Variants in AGO2 observed in about 807,000 individuals in gnomAD.
AGO2 encodes the protein argonaute RISC catalytic component 2.
Under a neutral mutation model 102.3 loss-of-function variants are expected in AGO2, and 5 were observed. That is an observed-to-expected ratio of 0.05 (90% CI 0.03 to 0.10). The LOEUF (loss-of-function observed/expected upper bound fraction) is 0.10. Ranked by LOEUF, AGO2 falls within the 10% of genes least tolerant of loss-of-function variation. AGO2 has a pLI of 1.00. For missense variants in AGO2, 541 were observed against 1,183.7 expected, an observed-to-expected ratio of 0.46 and a Z score of 7.97; for synonymous variants, 449 against 473.1, an observed-to-expected ratio of 0.95 and a Z score of 0.66.
Position 140,559,664 on chromosome 8 carries a change from G to A in AGO2, c.656-135C>T, listed in dbSNP as rs539035984. On this transcript the variant is annotated intron_variant, in intron 5 of 18. Transcript: ENST00000220592. Reference sequence around the variant, plus strand: ...GGCCGGGGTTCTCACTCCCTACTGAGGCTAGCCTCAGGCCCAGACACGGGC... The same window carrying A: ...GGCCGGGGTTCTCACTCCCTACTGAAGCTAGCCTCAGGCCCAGACACGGGC... The A allele has an allele frequency of 2.2e-5, 27 of 1,205,306 alleles. No homozygotes were observed. In the African/African-American group the frequency reaches 4.0e-4, roughly 18 times the overall value. 74.7% of individuals were successfully genotyped at this position (1,205,306 alleles called of 1,614,324 possible).
intron 3 of AGO2, among the ~76,000 whole-genome samples, chr8:140,569,426 C>T (rs1467214788): frequency 6.6e-6 from 1 of 152,226 alleles, no homozygotes; most frequent in Non-Finnish European, 1.5e-5. Context: ...TCTTCCACCA[C>T]CCAAATCCCT....
At chr8:140,626,080 C>T (rs1437537240) in intron 1 of AGO2, among the ~76,000 whole-genome samples, 1 of 150,674 alleles carries the variant, frequency 6.6e-6, no homozygotes, top group Non-Finnish European at 1.5e-5. Context: ...CAGCACGTGG[C>T]CTTCTAGTTC....
At chr8:140,628,313 C>G (rs2074299797) in intron 1 of AGO2, among the ~76,000 whole-genome samples, 1 of 152,242 alleles carries the variant, frequency 6.6e-6, no homozygotes, top group Admixed American at 6.5e-5. Context: ...AACGAACACC[C>G]ACGTGTGTGA....
chr8:140,598,223 G>A (rs1472042124), intron 1 of AGO2, among the ~76,000 whole-genome samples: 5 of 152,200 alleles, frequency 3.3e-5, no homozygotes, highest in African/African-American at 1.2e-4. Flanking sequence ...ACCCCGAGAC[G>A]GCGTGTTCTG....
intron 1 of AGO2, among the ~76,000 whole-genome samples, chr8:140,631,468 A>G (rs1183380701): frequency 1.3e-5 from 2 of 151,032 alleles, no homozygotes; most frequent in Admixed American, 6.6e-5. Flanking sequence ...CGGGAGGAGG[A>G]GGAGGTTGCA....
chr8:140,593,801 G>A (rs937992810), intron 1 of AGO2, among the ~76,000 whole-genome samples: 16 of 152,120 alleles, frequency 1.1e-4, no homozygotes, highest in Non-Finnish European at 2.1e-4. Context: ...GGTCCGAGGT[G>A]TCTGACAGGC....
chr8:140,595,688 A>AAT (rs1471946052), intron 1 of AGO2, among the ~76,000 whole-genome samples: 2 of 134,500 alleles, frequency 1.5e-5, no homozygotes, highest in Non-Finnish European at 3.1e-5. Context: ...CTGGCATATA[A>AAT]AATATATATA....
At chr8:140,563,590 C>T (rs1003517581) in intron 3 of AGO2, among the ~76,000 whole-genome samples, 1 of 152,146 alleles carries the variant, frequency 6.6e-6, no homozygotes, top group African/African-American at 2.4e-5. Context: ...AAAAAATAAC[C>T]CAAGGCCACA....
Position 140,525,586 on chromosome 8 carries a change from GT to G in AGO2, c.*6457del, listed in dbSNP as rs1409261857. On this transcript the variant is annotated 3_prime_UTR_variant, in exon 19 of 19. Transcript: ENST00000220592. Reference sequence around the variant, plus strand: ...GCATCGAAACCCCAAACAGCAGAGTGTTAAAGGCAATTGCTTCCAGGTAGTG... The same window carrying G: ...GCATCGAAACCCCAAACAGCAGAGTGTAAAGGCAATTGCTTCCAGGTAGTG... 1.3e-5 allele frequency: 2 copies of G among 152,298 alleles called. No homozygotes were observed. Among genetic ancestry groups the G allele is most frequent in the Admixed American group, 1.3e-4 (2 of 15,290 alleles). 9.4% of individuals were successfully genotyped at this position (152,298 alleles called of 1,614,324 possible). A position where few individuals can be genotyped will look rare whatever the true frequency, so the allele number is the denominator to read the frequency against.
intron 1 of AGO2, among the ~76,000 whole-genome samples, chr8:140,624,195 G>C (rs1010546844): frequency 6.6e-6 from 1 of 152,120 alleles, no homozygotes; most frequent in Non-Finnish European, 1.5e-5. Context: ...AGCAGGTCTC[G>C]ACTGGGTCAC....
Position 140,560,510 on chromosome 8 carries a change from C to A in AGO2, c.519G>T (p.Arg173Ser), listed in dbSNP as rs779477352. ...DVVMRHLPSM[R>S]YTPVGRSFFT... ...AGAAGGAGCGGCCCACGGGGGTGTACCTGGAACCAAGAGACCCCACCCCGC... is the reference window on the plus strand; with the variant it reads ...AGAAGGAGCGGCCCACGGGGGTGTAACTGGAACCAAGAGACCCCACCCCGC... The change falls in exon 5 of 19, where the codon AGG (arginine) becomes AGT (serine). Residue 173 changes from arginine (R) to serine (S), a missense_variant and splice_region_variant. By Grantham distance (110) the Arg-to-Ser change is moderately radical (BLOSUM62 -1). Transcript: ENST00000220592. 1 of 1,610,874 alleles carries A rather than the reference C, an allele frequency of 6.2e-7. No individual in the cohort carries two copies. The highest frequency in any genetic ancestry group is 8.5e-7 in the Non-Finnish European group (1 of 1,177,492).
At chr8:140,573,754 T>C (rs1182348784) in intron 2 of AGO2, among the ~76,000 whole-genome samples, 1 of 152,222 alleles carries the variant, frequency 6.6e-6, no homozygotes, top group Non-Finnish European at 1.5e-5. Flanking sequence ...CAGGCGCCCA[T>C]GCCTCTGCAC....
intron 1 of AGO2, among the ~76,000 whole-genome samples, chr8:140,601,874 C>G (rs796908340): frequency 5.9e-5 from 9 of 152,296 alleles, no homozygotes; most frequent in African/African-American, 2.2e-4. Context: ...ACGTGATAGG[C>G]AGGTCAGCGG....
Position 140,520,914 on chromosome 8 carries a change from A to C in AGO2, c.*11130T>G, listed in dbSNP as rs1310747250. Reference sequence around the variant, plus strand: ...CAACCTTCGAGCCAGATATTGCAGCAATTTTTTTAAATTTTTTTAAATTTT... The same window carrying C: ...CAACCTTCGAGCCAGATATTGCAGCCATTTTTTTAAATTTTTTTAAATTTT... On this transcript the variant is annotated 3_prime_UTR_variant, in exon 19 of 19. Coordinates refer to ENST00000220592, the MANE Select transcript of AGO2 (RefSeq NM_012154.5). 1 of 152,140 alleles carries C rather than the reference A, an allele frequency of 6.6e-6. No homozygotes were observed. Among genetic ancestry groups the C allele is most frequent in the Non-Finnish European group, 1.5e-5 (1 of 68,024 alleles). The allele number at this position is 152,140 out of a possible 1,614,324, so 9.4% of individuals were successfully genotyped here.
intron 1 of AGO2, among the ~76,000 whole-genome samples, chr8:140,612,700 C>T (rs1312323629): frequency 2.6e-4 from 39 of 151,022 alleles, no homozygotes; most frequent in Non-Finnish European, 1.0e-4. Context: ...TGCAGTGAGC[C>T]GAGACTGCGC....
At chr8:140,641,295 A>AACACACACAC in the AGO2 span, among the ~76,000 whole-genome samples, 104 of 146,978 alleles carry the variant, frequency 7.1e-4, no homozygotes, top group African/African-American at 2.5e-3. Flanking sequence ...GCTGTCTCAA[A>AACACACACAC]ACACACACAC....
At chr8:140,590,172 G>A (rs181315991) in intron 1 of AGO2, among the ~76,000 whole-genome samples, 72 of 152,272 alleles carry the variant, frequency 4.7e-4, no homozygotes, top group African/African-American at 1.3e-3. Context: ...TGGCCCAGGC[G>A]TCACAGCTGT....
chr8:140,585,062 T>A, intron 2 of AGO2, 57 bp downstream of exon 2: 2 of 1,498,832 alleles, frequency 1.3e-6, no homozygotes, highest in Non-Finnish European at 1.8e-6. Context: ...TTAGTTTAAA[T>A]GCCGTGTCTG....
intron 1 of AGO2, among the ~76,000 whole-genome samples, chr8:140,596,778 G>C (rs1295400517): frequency 6.6e-6 from 1 of 152,268 alleles, no homozygotes; most frequent in Non-Finnish European, 1.5e-5. Context: ...CCTGCAGGCT[G>C]GGAGGAGTCG....
Sources: gnomAD v4.1 joint callset for allele counts (sites outside exome capture counted in the v4.1 genomes callset) on GRCh38, gnomAD v4.1.1 for gene constraint, MANE v1.5 for transcripts, NCBI Gene and HGNC (gene_info 2026-07-23, HGNC 2026-07-21) for gene names.